SETD3: variants seen among roughly 807,000 people sequenced by gnomAD.
The protein encoded by SETD3 is SET domain containing 3, actin N3(tau)-histidine methyltransferase.
In SETD3, 19 loss-of-function variants were observed where a neutral mutation model predicts 63.0. That is an observed-to-expected ratio of 0.30 (90% CI 0.21 to 0.44). The LOEUF (loss-of-function observed/expected upper bound fraction) is 0.44. SETD3 is among the 20% of genes least tolerant of loss of function. The pLI is 1.00. For synonymous variants in SETD3, 286 were observed against 264.1 expected (o/e 1.08, Z -0.80); for missense variants, 587 against 728.5 (o/e 0.81, Z 2.24).
intron 9 of SETD3, among the ~76,000 whole-genome samples, chr14:99,405,591 G>A (rs1891638518): frequency 6.6e-6 from 1 of 152,138 alleles, no homozygotes; most frequent in Non-Finnish European, 1.5e-5. Context: ...CCACCGTGTG[G>A]AGAGGAGAGG....
chr14:99,413,230 C>A lies in SETD3; in HGVS notation c.735-165G>T, dbSNP rs10137184. 1,512 of 582,844 alleles carry A rather than the reference C, an allele frequency of 2.6e-3. 21 individuals are homozygous for A. Among genetic ancestry groups the A allele is most frequent in the African/African-American group, 0.025 (1,312 of 53,098 alleles). 36.1% of individuals were successfully genotyped at this position (582,844 alleles called of 1,614,324 possible). A position where few individuals can be genotyped will look rare whatever the true frequency, so the allele number is the denominator to read the frequency against. ...CTTCATCATCATTTAAAAACAAACC[C>A]AGGGTTTGAAAGAGCCAGGGGAAAT... On this transcript the variant is annotated intron_variant, in intron 7 of 12. Coordinates refer to ENST00000331768, the MANE Select transcript of SETD3 (RefSeq NM_032233.3).
Position 99,448,080 on chromosome 14 carries a change from A to G in SETD3, c.675+10199T>C, listed in dbSNP as rs550759150. Among the ~76,000 whole-genome samples the G allele has an allele frequency of 2.3e-4, 35 of 152,286 alleles. 1 individual carries two copies. The South Asian group carries it at 6.8e-3, about 30-fold the overall frequency. ...ACCAGACACAACCTTAAAGACTAAG[A>G]CAGTGGTTTGGTGAGCCCCTGTGGC... On this transcript the variant is annotated intron_variant, in intron 6 of 12. Transcript: ENST00000331768.
intron 6 of SETD3, among the ~76,000 whole-genome samples, chr14:99,436,159 G>A (rs1274718223): frequency 3.3e-5 from 5 of 151,996 alleles, no homozygotes; most frequent in East Asian, 1.9e-4. Context: ...ACCTGCCTCC[G>A]CTTGATCTCT....
chr14:99,419,373 T>G (rs1485135740), intron 6 of SETD3, among the ~76,000 whole-genome samples: 1 of 152,208 alleles, frequency 6.6e-6, no homozygotes, highest in African/African-American at 2.4e-5. Context: ...TTTATAAAAT[T>G]ATGATGGAAG....
chr14:99,436,135 C>T (rs776874833), intron 6 of SETD3, among the ~76,000 whole-genome samples: 59 of 151,986 alleles, frequency 3.9e-4, no homozygotes, highest in Admixed American at 7.9e-4. Context: ...TGGGGGAAAC[C>T]GCCTCCATGA....
intron 1 of SETD3, among the ~76,000 whole-genome samples, chr14:99,474,593 A>G (rs1363699855): frequency 6.6e-6 from 1 of 152,202 alleles, no homozygotes; most frequent in Non-Finnish European, 1.5e-5. Context: ...GGCCAGGCAC[A>G]GTGGCTCATG....
intron 6 of SETD3, among the ~76,000 whole-genome samples, chr14:99,449,671 GA>G (rs1171377700): frequency 6.6e-6 from 1 of 152,114 alleles, no homozygotes; most frequent in Non-Finnish European, 1.5e-5. Flanking sequence ...TTCTGGAAGG[GA>G]AAAAAGGGCA....
rs758030975 is a variant in SETD3, at chr14:99,399,023, T to C, written c.1441A>G (p.Ser481Gly). The change falls in exon 13 of 13, where the codon AGT (serine) becomes GGT (glycine). Residue 481 changes from serine (S) to glycine (G), a missense_variant. Ser to Gly is a moderately conservative substitution (Grantham distance 56). Coordinates refer to ENST00000331768, the MANE Select transcript of SETD3 (RefSeq NM_032233.3). ...TAGTATTCCCGGTTGACAGCTGCAC[T>C]CTTTACTGCTTTTTCCAAAATCTCT... Reference protein sequence around the residue: ...EKEILEKAVKSAAVNREYYRQ... With the variant: ...EKEILEKAVKGAAVNREYYRQ... 5.6e-6 allele frequency: 9 copies of C among 1,614,196 alleles called. No homozygotes were observed. In the Admixed American group the frequency reaches 1.3e-4, roughly 24 times the overall value.
chr14:99,480,790 C>T lies in SETD3; in HGVS notation c.-71G>A, dbSNP rs978100566. The T allele has an allele frequency of 3.1e-5, 5 of 158,982 alleles. No homozygotes were observed. Among genetic ancestry groups the T allele is most frequent in the Non-Finnish European group, 5.4e-5 (4 of 74,330 alleles). The allele number at this position is 158,982 out of a possible 1,614,324, so 9.8% of individuals were successfully genotyped here. On this transcript the variant is annotated 5_prime_UTR_variant, in exon 1 of 13. Transcript: ENST00000331768. ...CCGGCCCGGACCCCGCCGTCCGCCTCAACCAACCCCCAGGCGGTGGCGGCG... is the reference window on the plus strand; with the variant it reads ...CCGGCCCGGACCCCGCCGTCCGCCTTAACCAACCCCCAGGCGGTGGCGGCG...
chr14:99,434,736 A>T (rs1394570217), intron 6 of SETD3, among the ~76,000 whole-genome samples: 3 of 150,954 alleles, frequency 2.0e-5, no homozygotes, highest in Non-Finnish European at 2.9e-5. Context: ...AATCCCAGCT[A>T]CTCGGGAGGC....
At chr14:99,472,067 G>C (rs921089722) in intron 1 of SETD3, among the ~76,000 whole-genome samples, 1 of 152,272 alleles carries the variant, frequency 6.6e-6, no homozygotes, top group South Asian at 2.1e-4. Context: ...CTAAGTATAC[G>C]CAAGCTTGAT....
chr14:99,483,114 A>G (rs193267842), upstream of SETD3, among the ~76,000 whole-genome samples: 29 of 152,338 alleles, frequency 1.9e-4, no homozygotes, highest in African/African-American at 6.5e-4. Flanking sequence ...GTCTGTTTTC[A>G]CATAGAACCA....
At chr14:99,485,465 CAG>C (rs1003223963), upstream of SETD3, among the ~76,000 whole-genome samples, 1 of 152,174 alleles carries the variant, frequency 6.6e-6, no homozygotes, top group Non-Finnish European at 1.5e-5. Flanking sequence ...CTTCCATTCT[CAG>C]GGGAAGAAAG....
chr14:99,462,048 G>A (rs1595255234), intron 3 of SETD3, among the ~76,000 whole-genome samples: 1 of 152,150 alleles, frequency 6.6e-6, no homozygotes, highest in East Asian at 1.9e-4. Flanking sequence ...AGGAGGGAGG[G>A]AATGGAAGGG....
chr14:99,440,845 A>G (rs1176553215), intron 6 of SETD3, among the ~76,000 whole-genome samples: 2 of 152,136 alleles, frequency 1.3e-5, no homozygotes, highest in African/African-American at 4.8e-5. Flanking sequence ...GCAACAGAAA[A>G]ATACAATAGC....
At chr14:99,470,243 C>CTA (rs1327174041) in intron 1 of SETD3, among the ~76,000 whole-genome samples, 2 of 152,166 alleles carry the variant, frequency 1.3e-5, no homozygotes, top group African/African-American at 4.8e-5. Context: ...AAGGGAAACT[C>CTA]TAGACTCTTC....
At chr14:99,399,399 C>T (rs1255384956) in intron 12 of SETD3, among the ~76,000 whole-genome samples, 1 of 152,064 alleles carries the variant, frequency 6.6e-6, no homozygotes, top group Non-Finnish European at 1.5e-5. Context: ...CCCCATCTGC[C>T]AGGGAACTTC....
chr14:99,405,089 A>C (rs989232466), intron 10 of SETD3, 116 bp downstream of exon 10: 33 of 1,404,192 alleles, frequency 2.4e-5, no homozygotes, highest in African/African-American at 2.9e-5. Flanking sequence ...CACGGGGATA[A>C]ACGGATTAAG....
chr14:99,441,854 C>T (rs190294253), intron 6 of SETD3, among the ~76,000 whole-genome samples: 4 of 152,284 alleles, frequency 2.6e-5, no homozygotes, highest in South Asian at 2.1e-4. Flanking sequence ...AAAAAGAGCC[C>T]CTTGGTGGAG....
Sources: allele counts gnomAD v4.1 joint callset (sites outside exome capture counted in the v4.1 genomes callset), GRCh38; gene constraint gnomAD v4.1.1; transcripts MANE v1.5; gene names NCBI Gene and HGNC (gene_info 2026-07-23, HGNC 2026-07-21).